GALNT11: variants seen among roughly 807,000 people sequenced by gnomAD.
The protein encoded by GALNT11 is UDP-GalNAc:polypeptide N-acetylgalactosaminyltransferase 11.
A neutral mutation model predicts 72.7 loss-of-function variants in GALNT11; 47 were observed. The ratio of observed to expected loss-of-function variants is 0.65; its 90% CI spans 0.51 to 0.82. The LOEUF (loss-of-function observed/expected upper bound fraction) is 0.82. GALNT11 is among the 40% of genes least tolerant of loss of function. The pLI, the probability that GALNT11 is intolerant of heterozygous loss-of-function variation, is 0.00. For missense variants in GALNT11, 677 were observed against 778.4 expected, an observed-to-expected ratio of 0.87 and a Z score of 1.55; for synonymous variants, 270 against 286.6, an observed-to-expected ratio of 0.94 and a Z score of 0.58.
At chr7:152,107,816 G>T (rs527950740) in intron 5 of GALNT11, 72 of 440,528 alleles carry the variant, frequency 1.6e-4, no homozygotes, top group Non-Finnish European at 2.5e-4. Context: ...GATTTGTATG[G>T]GTCCCTCAAT....
intron 2 of GALNT11, among the ~76,000 whole-genome samples, chr7:152,097,348 A>T (rs987111810): frequency 6.6e-6 from 1 of 152,192 alleles, no homozygotes; most frequent in Non-Finnish European, 1.5e-5. Flanking sequence ...TAAAAAGGAG[A>T]GTAGCAAGCG....
At chr7:152,118,002 T>A (rs1181984546) in intron 9 of GALNT11, 2 of 152,868 alleles carry the variant, frequency 1.3e-5, no homozygotes, top group Admixed American at 6.5e-5. Flanking sequence ...GTACTGTCTG[T>A]GTTGCCCAGT....
intron 1 of GALNT11, among the ~76,000 whole-genome samples, chr7:152,040,514 A>C (rs1586949832): frequency 6.6e-6 from 1 of 152,354 alleles, no homozygotes; most frequent in African/African-American, 2.4e-5. Flanking sequence ...ATATTACTTT[A>C]GCAACAAGGC....
intron 1 of GALNT11, among the ~76,000 whole-genome samples, chr7:152,033,320 C>G (rs1160497219): frequency 6.6e-6 from 1 of 152,188 alleles, no homozygotes; most frequent in East Asian, 1.9e-4. Context: ...CATTTTCTGT[C>G]CTTTCTGAAC....
chr7:152,065,244 TC>T (rs1196667541), intron 1 of GALNT11, among the ~76,000 whole-genome samples: 2 of 152,266 alleles, frequency 1.3e-5, no homozygotes, highest in Non-Finnish European at 2.9e-5. Context: ...GTTGATCTAA[TC>T]AGCTATTGAA....
chr7:152,116,048 C>T (rs1189190118), intron 8 of GALNT11, among the ~76,000 whole-genome samples: 1 of 152,032 alleles, frequency 6.6e-6, no homozygotes, highest in Non-Finnish European at 1.5e-5. Flanking sequence ...AAGAGTGAAA[C>T]TCCATCTCAA....
Position 152,041,058 on chromosome 7 carries a change from C to T in GALNT11, c.-39+15174C>T, listed in dbSNP as rs1324018269. Among the ~76,000 whole-genome samples, 11 of 152,172 alleles carry T rather than the reference C, an allele frequency of 7.2e-5. No individual in the cohort carries two copies. The South Asian group carries it at 1.0e-3, about 14-fold the overall frequency. On this transcript the variant is annotated intron_variant, in intron 1 of 11. Coordinates refer to ENST00000430044, the MANE Select transcript of GALNT11 (RefSeq NM_022087.4). ...TCGTGACAGTTGGGGTCCTCCTCAG[C>T]GTCAGTCTTGACATGGCTGCAACTG...
intron 1 of GALNT11, among the ~76,000 whole-genome samples, chr7:152,044,371 C>A (rs1330038478): frequency 1.3e-5 from 2 of 152,174 alleles, no homozygotes; most frequent in Non-Finnish European, 2.9e-5. Context: ...AGGGGTTTTC[C>A]ACCCTGGGTG....
At chr7:152,057,957 C>A (rs2083779376) in intron 1 of GALNT11, among the ~76,000 whole-genome samples, 1 of 152,142 alleles carries the variant, frequency 6.6e-6, no homozygotes, top group Admixed American at 6.5e-5. Flanking sequence ...GTGACAGTTT[C>A]TCACACTTTC....
chr7:152,066,225 G>T (rs927470069), intron 1 of GALNT11, among the ~76,000 whole-genome samples: 4 of 152,196 alleles, frequency 2.6e-5, no homozygotes, highest in African/African-American at 9.7e-5. Context: ...GTGGGCGTGG[G>T]ACCCTCCGAG....
intron 1 of GALNT11, among the ~76,000 whole-genome samples, chr7:152,028,858 T>G (rs1225373973): frequency 6.6e-6 from 1 of 152,178 alleles, no homozygotes; most frequent in Non-Finnish European, 1.5e-5. Flanking sequence ...GGTAGAAGTT[T>G]AGTTGAGCTC....
chr7:152,113,485 C>G, intron 8 of GALNT11, 87 bp downstream of exon 8: 2 of 1,471,376 alleles, frequency 1.4e-6, no homozygotes, highest in Admixed American at 4.0e-5. Flanking sequence ...ACTTTTCACT[C>G]TGGCATATTT....
At chr7:152,110,712 A>C in intron 7 of GALNT11, 67 bp downstream of exon 7, 248 of 1,163,718 alleles carry the variant, frequency 2.1e-4, no homozygotes, top group Non-Finnish European at 2.7e-4. Flanking sequence ...CCATGATCTC[A>C]TATTTTCTTT....
At chr7:152,079,981 A>G (rs1273977734) in intron 1 of GALNT11, among the ~76,000 whole-genome samples, 1 of 152,258 alleles carries the variant, frequency 6.6e-6, no homozygotes, top group East Asian at 1.9e-4. Flanking sequence ...TGCATTAAAT[A>G]TTATGAAAAT....
At chr7:152,101,650 G>A (rs375420684) in intron 3 of GALNT11, among the ~76,000 whole-genome samples, 4 of 145,372 alleles carry the variant, frequency 2.8e-5, no homozygotes, top group Admixed American at 6.8e-5. Context: ...TTTGGGGGGG[G>A]GGGGATGGAG....
intron 1 of GALNT11, among the ~76,000 whole-genome samples, chr7:152,064,034 G>A (rs145974783): frequency 6.6e-6 from 1 of 152,140 alleles, no homozygotes; most frequent in Admixed American, 6.6e-5. Flanking sequence ...GTGTCTCATC[G>A]ATCTGTCTAA....
chr7:152,047,667 A>G (rs1264355813), intron 1 of GALNT11, among the ~76,000 whole-genome samples: 1 of 151,450 alleles, frequency 6.6e-6, no homozygotes, highest in Non-Finnish European at 1.5e-5. Flanking sequence ...ACTGCACTCT[A>G]GCCTGGTCAA....
In GALNT11 at chr7:152,058,975, C is replaced by G. The variant is rs547631516; in HGVS notation, c.-39+33091C>G. Among the ~76,000 whole-genome samples the G allele has an allele frequency of 4.7e-5, 7 of 150,180 alleles. No homozygotes were observed. The East Asian group carries it at 1.4e-3, about 29-fold the overall frequency. ...GACGTACTCCACTGAAGTCTTGAAC[C>G]TGTCGGTCAAGGTTGGAACCAACTT... is the stretch of plus-strand genomic sequence containing the variant. On this transcript the variant is annotated intron_variant, in intron 1 of 11. Coordinates refer to ENST00000430044, the MANE Select transcript of GALNT11 (RefSeq NM_022087.4).
intron 8 of GALNT11, 70 bp from the exon 9 acceptor site, chr7:152,117,087 C>T: frequency 3.0e-6 from 4 of 1,340,036 alleles, no homozygotes; most frequent in Non-Finnish European, 4.1e-6. Flanking sequence ...TGTAAAAAAT[C>T]TCTATATAGT....
Sources: allele counts gnomAD v4.1 joint callset (sites outside exome capture counted in the v4.1 genomes callset), GRCh38; gene constraint gnomAD v4.1.1; transcripts MANE v1.5; gene names NCBI Gene and HGNC (gene_info 2026-07-23, HGNC 2026-07-21).